Variants in IL5 observed in about 807,000 individuals in gnomAD.
IL5 encodes the protein interleukin-5.
In IL5, 12 loss-of-function variants were observed where a neutral mutation model predicts 16.3. The observed-to-expected ratio is 0.74, with a 90% CI of 0.47 to 1.20. The LOEUF is 1.20. Ranked by LOEUF, IL5 falls within the 50% of genes most tolerant of loss-of-function variation. The probability of loss-of-function intolerance (pLI) is 0.00; values close to 1 mark genes in which losing one functional copy is unlikely to be tolerated. For missense variants in IL5, 159 were observed against 153.9 expected (o/e 1.03, Z -0.17); for synonymous variants, 54 against 56.6 (o/e 0.95, Z 0.21).
chr5:132,548,956 G>A (rs565041434), intron 1 of IL5, among the ~76,000 whole-genome samples: 7 of 152,236 alleles, frequency 4.6e-5, no homozygotes, highest in South Asian at 2.1e-4. Flanking sequence ...ATTCACCTAC[G>A]GTAAAATTGG....
chr5:132,552,297 A>C lies in IL5; in HGVS notation c.42+4377T>G, dbSNP rs180978359. Among the ~76,000 whole-genome samples, 265 of 152,224 alleles carry C rather than the reference A, an allele frequency of 1.7e-3. 2 individuals carry two copies. Among genetic ancestry groups the C allele is most frequent in the African/African-American group, 6.2e-3 (257 of 41,530 alleles). ...ACAAAAACAACAACAACAACAACAA[A>C]AAACAAAGAATAAAGAAGTTCTCTA... On this transcript the variant is annotated intron_variant, in intron 1 of 2. Transcript: ENST00000450655.
In IL5 at chr5:132,541,787, T is replaced by C; in HGVS notation, c.*24A>G. On this transcript the variant is annotated 3_prime_UTR_variant, in exon 4 of 4. Coordinates refer to ENST00000231454, the MANE Select transcript of IL5 (RefSeq NM_000879.3). ...AAATGTCCTTCTCCTCCAAAATCTT[T>C]GGCTGCAACAAACCAGTTTAGTCTC... is the stretch of plus-strand genomic sequence containing the variant. 1 of 1,505,370 alleles carries C rather than the reference T, an allele frequency of 6.6e-7. No individual in the cohort carries two copies. The highest frequency in any genetic ancestry group is 9.2e-7 in the Non-Finnish European group (1 of 1,085,418). The allele number at this position is 1,505,370 out of a possible 1,614,324, so 93.3% of individuals were successfully genotyped here.
chr5:132,542,261 A>G, intron 2 of IL5, 118 bp from the exon 3 acceptor site: 1 of 478,398 alleles, frequency 2.1e-6, no homozygotes, highest in South Asian at 6.1e-5. Flanking sequence ...CAATAAATAT[A>G]TATACTTTTT....
At chr5:132,549,065 CT>C (rs1002903113) in intron 1 of IL5, among the ~76,000 whole-genome samples, 1 of 151,578 alleles carries the variant, frequency 6.6e-6, no homozygotes, top group East Asian at 1.9e-4. Context: ...AAGTCTTTTT[CT>C]TTTTTTTGAG....
At chr5:132,552,119 A>G (rs1407707206) in intron 1 of IL5, among the ~76,000 whole-genome samples, 1 of 152,138 alleles carries the variant, frequency 6.6e-6, no homozygotes, top group East Asian at 1.9e-4. Flanking sequence ...AAATACAAAA[A>G]TTAGCTGGGC....
chr5:132,548,149 T>C (rs542413332), upstream of IL5, among the ~76,000 whole-genome samples: 266 of 152,126 alleles, frequency 1.7e-3, 1 homozygote, highest in African/African-American at 6.2e-3. Context: ...TAAAAGGCTT[T>C]GCTCAGGAGG....
Position 132,543,468 on chromosome 5 carries a change from A to G in IL5, c.11T>C (p.Leu4Pro), listed in dbSNP as rs373922101. ...AAGAGCTAGCAAACTCAAATGCAGA[A>G]GCATCCTCATGGCTCTGAAACGTTC... MRM[L>P]LHLSLLALGA... Residue 4 changes from leucine (L) to proline (P), a missense_variant, in exon 1 of 4, where the codon CTT becomes CCT. Coordinates refer to ENST00000231454, the MANE Select transcript of IL5 (RefSeq NM_000879.3). 1.9e-6 allele frequency: 3 copies of G among 1,614,020 alleles called. No homozygotes were observed. In the African/African-American group the frequency reaches 4.0e-5, roughly 22 times the overall value.
chr5:132,552,077 T>C (rs1749891685), intron 1 of IL5, among the ~76,000 whole-genome samples: 1 of 152,216 alleles, frequency 6.6e-6, no homozygotes, highest in Admixed American at 6.5e-5. Flanking sequence ...GAGACCATCC[T>C]GGCCAACATA....
At position 132,543,454 on chromosome 5, in the gene IL5, A is replaced by T; in HGVS notation, c.25T>A (p.Leu9Met). 1 of 1,614,110 alleles carries T rather than the reference A, an allele frequency of 6.2e-7. No homozygotes were observed. The highest frequency in any genetic ancestry group is 8.5e-7 in the Non-Finnish European group (1 of 1,179,982). MRMLLHLS[L>M]LALGAAYVYA... is the part of the protein sequence containing the mutation. ...ACGTAGGCAGCTCCAAGAGCTAGCA[A>T]ACTCAAATGCAGAAGCATCCTCATG... is the stretch of plus-strand genomic sequence containing the variant. The change falls in exon 1 of 4, where the codon TTG becomes ATG. Residue 9 changes from leucine (L) to methionine (M), a missense_variant. Leu to Met is a conservative substitution (Grantham distance 15). Transcript: ENST00000231454.
intron 2 of IL5, 63 bp downstream of exon 2, chr5:132,543,031 C>A (rs909530658): frequency 1.6e-6 from 2 of 1,220,472 alleles, no homozygotes; most frequent in Non-Finnish European, 1.2e-6. Context: ...TAATGATTTA[C>A]AGCTTAAAAC....
At chr5:132,541,960 A>G (rs748957617) in intron 3 of IL5, 51 bp from the exon 4 acceptor site, 1 of 1,612,410 alleles carries the variant, frequency 6.2e-7, no homozygotes, top group Non-Finnish European at 8.5e-7. Flanking sequence ...TGTCAATTCC[A>G]TAGAAATAGG....
chr5:132,547,456 A>G (rs1034683121), upstream of IL5, among the ~76,000 whole-genome samples: 6 of 152,244 alleles, frequency 3.9e-5, no homozygotes, highest in African/African-American at 1.2e-4. Context: ...AGTACTCCTT[A>G]AAACTGTTAA....
chr5:132,545,371 G>T (rs1047288654), upstream of IL5, among the ~76,000 whole-genome samples: 2 of 152,118 alleles, frequency 1.3e-5, no homozygotes, highest in East Asian at 3.9e-4. Context: ...TATCATAGGA[G>T]GCTGGGCAAG....
chr5:132,542,338 T>C (rs1465124028), intron 2 of IL5, among the ~76,000 whole-genome samples, 195 bp from the exon 3 acceptor site: 1 of 152,210 alleles, frequency 6.6e-6, no homozygotes, highest in African/African-American at 2.4e-5. Flanking sequence ...TGTTTTGTGG[T>C]ATTTACATGA....
upstream of IL5, among the ~76,000 whole-genome samples, chr5:132,545,860 C>T (rs1749775831): frequency 6.6e-6 from 1 of 152,138 alleles, no homozygotes; most frequent in Non-Finnish European, 1.5e-5. Flanking sequence ...GCGGAGGTTG[C>T]AGTGAGCTGA....
Position 132,541,945 on chromosome 5 carries a change from GA to G in IL5, c.307-37del, listed in dbSNP as rs1373000842. 1.9e-6 allele frequency: 3 copies of G among 1,610,974 alleles called. No homozygotes were observed. The Admixed American group carries it at 5.0e-5, about 27-fold the overall frequency. ...AGAAAAATGACAATAGGTATTACAG[GA>G]AACTGTCAATTCCATAGAAATAGGC... On this transcript the variant is annotated intron_variant, in intron 3 of 3. Transcript: ENST00000231454.
intron 1 of IL5, among the ~76,000 whole-genome samples, chr5:132,551,366 AACTT>A (rs1749880254): frequency 6.6e-6 from 1 of 152,234 alleles, no homozygotes; most frequent in African/African-American, 2.4e-5. Context: ...GTCCTAGAAT[AACTT>A]TGTTATAACA....
chr5:132,549,237 G>T (rs945576853), intron 1 of IL5, among the ~76,000 whole-genome samples: 6 of 152,098 alleles, frequency 3.9e-5, no homozygotes, highest in Admixed American at 2.0e-4. Flanking sequence ...TGTATTTTTA[G>T]TAGAGACGGG....
At chr5:132,554,091 G>A (rs1008692997) in intron 1 of IL5, among the ~76,000 whole-genome samples, 2 of 151,846 alleles carry the variant, frequency 1.3e-5, no homozygotes, top group African/African-American at 4.8e-5. Flanking sequence ...GTCTTGGCCA[G>A]GCGCAGTGGC....
Sources: allele counts gnomAD v4.1 joint callset (sites outside exome capture counted in the v4.1 genomes callset), GRCh38; gene constraint gnomAD v4.1.1; transcripts MANE v1.5; gene names NCBI Gene and HGNC (gene_info 2026-07-23, HGNC 2026-07-21).